The following IQCH variants were observed in gnomAD, a reference collection of about 807,000 sequenced individuals.
IQCH encodes IQ domain-containing protein H.
Under a neutral mutation model 117.0 loss-of-function variants are expected in IQCH, and 98 were observed. That is an observed-to-expected ratio of 0.84 (90% CI 0.71 to 0.99). IQCH has a LOEUF of 0.99. Ranked by LOEUF, IQCH falls within the 50% of genes least tolerant of loss-of-function variation. The pLI is 0.00. For missense variants in IQCH, 1,102 were observed against 1,243.8 expected (o/e 0.89, Z 1.72); for synonymous variants, 412 against 448.2 (o/e 0.92, Z 1.02).
At chr15:67,397,667 GTTA>G (rs1971515143) in intron 13 of IQCH, among the ~76,000 whole-genome samples, 1 of 152,110 alleles carries the variant, frequency 6.6e-6, no homozygotes, top group Non-Finnish European at 1.5e-5. Context: ...TTTAACTTAG[GTTA>G]TTATTTCTGA....
At chr15:67,258,011 C>T (rs934979166) in intron 1 of IQCH, among the ~76,000 whole-genome samples, 3 of 151,886 alleles carry the variant, frequency 2.0e-5, no homozygotes, top group Admixed American at 6.6e-5. Context: ...GGATGAATCA[C>T]TTGAGGTCAG....
intron 1 of IQCH, among the ~76,000 whole-genome samples, chr15:67,260,202 C>G (rs1028052095): frequency 3.3e-5 from 5 of 152,134 alleles, no homozygotes; most frequent in African/African-American, 1.2e-4. Flanking sequence ...GTGGCAGCAG[C>G]CCATACAATA....
chr15:67,480,808 G>T (rs2083319222), intron 18 of IQCH, among the ~76,000 whole-genome samples: 1 of 152,084 alleles, frequency 6.6e-6, no homozygotes, highest in Admixed American at 6.5e-5. Context: ...TATACCTAAT[G>T]TACCTACAGC....
chr15:67,439,965 C>T (rs951575784), intron 16 of IQCH, among the ~76,000 whole-genome samples: 1 of 150,670 alleles, frequency 6.6e-6, no homozygotes, highest in Non-Finnish European at 1.5e-5. Flanking sequence ...AATTGATAGA[C>T]CATTAGCAAG....
intron 15 of IQCH, among the ~76,000 whole-genome samples, chr15:67,419,238 G>C (rs2081660031): frequency 6.6e-6 from 1 of 152,186 alleles, no homozygotes; most frequent in Admixed American, 6.5e-5. Context: ...CAAATAAGTG[G>C]TAAATGGAAC....
At chr15:67,312,795 A>C (rs1170096138) in intron 4 of IQCH, among the ~76,000 whole-genome samples, 1 of 152,180 alleles carries the variant, frequency 6.6e-6, no homozygotes, top group Non-Finnish European at 1.5e-5. Context: ...TGGGACTAAT[A>C]GGATTGTTTT....
intron 16 of IQCH, among the ~76,000 whole-genome samples, chr15:67,423,587 C>CA (rs551556730): frequency 0.22 from 16,559 of 76,468 alleles, 1,109 homozygotes; most frequent in East Asian, 0.28. Flanking sequence ...GAACCTGTCT[C>CA]AAAAAAAAAA....
At position 67,432,244 on chromosome 15, in the gene IQCH, A is replaced by G. The variant is rs994013025; in HGVS notation, c.2505+10667A>G. ...ACATAAAGTTAGCTACAGAAAGGAAATAAGACTTGTCACAAAGTACAGATT... is the reference window on the plus strand; with the variant it reads ...ACATAAAGTTAGCTACAGAAAGGAAGTAAGACTTGTCACAAAGTACAGATT... On this transcript the variant is annotated intron_variant, in intron 16 of 20. Transcript: ENST00000335894. This position sits in a 1 kb window ranked among gnomAD's most constrained non-coding sequence, Gnocchi z 5.0. Among the ~76,000 whole-genome samples, 17 of 152,206 alleles carry G rather than the reference A, an allele frequency of 1.1e-4. No homozygotes were observed. The highest frequency in any genetic ancestry group is 3.6e-4 in the African/African-American group (15 of 41,438).
intron 20 of IQCH, among the ~76,000 whole-genome samples, chr15:67,498,772 A>T (rs539700694): frequency 3.3e-5 from 5 of 152,346 alleles, no homozygotes; most frequent in African/African-American, 1.2e-4. Context: ...CCAAAATAAA[A>T]ATAGATAAAT....
At position 67,279,464 on chromosome 15, in the gene IQCH, A is replaced by G. The variant is rs980788759; in HGVS notation, c.339A>G (p.Gln113=). ...AGGAATCTGAGGGTACATTTTGGCA[A>G]CCCCAAAGACAGCACAGTTCATCTC... ...FPQESEGTFW[Q]PQRQHSSSLP... is the part of the protein sequence containing the mutation. Residue 113 remains glutamine, a synonymous_variant, in exon 4 of 21, where the codon CAA becomes CAG. Transcript: ENST00000335894. The G allele has an allele frequency of 3.7e-6, 6 of 1,610,982 alleles. No homozygotes were observed. In the African/African-American group the frequency reaches 4.0e-5, roughly 11 times the overall value.
At chr15:67,373,541 G>A (rs761758413) in intron 10 of IQCH, 108 bp downstream of exon 10, 19 of 794,578 alleles carry the variant, frequency 2.4e-5, no homozygotes, top group African/African-American at 5.1e-5. Flanking sequence ...AATTGGTCTC[G>A]GCAGGAAAAT....
At chr15:67,272,660 C>T (rs1258531247) in intron 3 of IQCH, among the ~76,000 whole-genome samples, 1 of 152,206 alleles carries the variant, frequency 6.6e-6, no homozygotes, top group Non-Finnish European at 1.5e-5. Flanking sequence ...GCTGAATTGA[C>T]TCCTTTAATG....
At position 67,463,549 on chromosome 15, in the gene IQCH, T is replaced by G. The variant is rs1331640397; in HGVS notation, c.2506-1578T>G. 6.6e-6 allele frequency among the ~76,000 whole-genome samples: 1 copy of G among 152,192 alleles called. No individual in the cohort carries two copies. The highest frequency in any genetic ancestry group is 2.4e-5 in the African/African-American group (1 of 41,434). ...GGGTACCTCCCTGAACCTCAGTTTCTTCATCTGTGACATGGGGTTGTTATT... is the reference window on the plus strand; with the variant it reads ...GGGTACCTCCCTGAACCTCAGTTTCGTCATCTGTGACATGGGGTTGTTATT... On this transcript the variant is annotated intron_variant, in intron 16 of 20. Coordinates refer to ENST00000335894, the MANE Select transcript of IQCH (RefSeq NM_001031715.3). This position sits in a 1 kb window ranked among gnomAD's most constrained non-coding sequence, Gnocchi z 4.0.
rs927548654 is a variant in IQCH, at chr15:67,493,823, G to A, written c.2862-435G>A. ...TTCCTCTCCCCTCCCCTCACCCCAC[G>A]ACAGGCCCCGGTGTGTGATGTTCCC... On this transcript the variant is annotated intron_variant, in intron 19 of 20. Coordinates refer to ENST00000335894, the MANE Select transcript of IQCH (RefSeq NM_001031715.3). The surrounding 1 kb of genome is among the most constrained non-coding windows in gnomAD (Gnocchi z 5.1). 3.3e-5 allele frequency among the ~76,000 whole-genome samples: 5 copies of A among 152,050 alleles called. No individual in the cohort carries two copies. Among genetic ancestry groups the A allele is most frequent in the Admixed American group, 2.0e-4 (3 of 15,262 alleles).
At chr15:67,400,910 A>G (rs750164136) in intron 14 of IQCH, among the ~76,000 whole-genome samples, 19 of 152,162 alleles carry the variant, frequency 1.2e-4, no homozygotes, top group Admixed American at 1.2e-3. Context: ...TACAAATCTT[A>G]TAATTTGCCC....
At position 67,491,077 on chromosome 15, in the gene IQCH, G is replaced by C. The variant is rs1036594697; in HGVS notation, c.2861+1013G>C. Among the ~76,000 whole-genome samples the C allele has an allele frequency of 2.6e-5, 4 of 152,046 alleles. No individual in the cohort carries two copies. Among genetic ancestry groups the C allele is most frequent in the African/African-American group, 9.7e-5 (4 of 41,370 alleles). On this transcript the variant is annotated intron_variant, in intron 19 of 20. Transcript: ENST00000335894. This position sits in a 1 kb window ranked among gnomAD's most constrained non-coding sequence, Gnocchi z 4.9. ...CCTCTACAGCAGTGTAGACATTGTG[G>C]CCTCACACTGAAACACACAGAAACA...
intron 4 of IQCH, among the ~76,000 whole-genome samples, chr15:67,305,980 T>C (rs1474512585): frequency 6.6e-6 from 1 of 152,112 alleles, no homozygotes; most frequent in African/African-American, 2.4e-5. Context: ...TAGATATTCA[T>C]TTACTGTATT....
At chr15:67,304,486 AT>A in intron 4 of IQCH, 3 of 1,046,794 alleles carry the variant, frequency 2.9e-6, no homozygotes, top group South Asian at 1.5e-5. Context: ...ATGAGCTCTT[AT>A]TTTTTTAAGA....
chr15:67,337,932 C>T (rs1291805433), intron 5 of IQCH, among the ~76,000 whole-genome samples: 1 of 152,192 alleles, frequency 6.6e-6, no homozygotes, highest in African/African-American at 2.4e-5. Context: ...CTAGCTACTG[C>T]ATCTTCTGTC....
Sources: gnomAD v4.1 joint callset for allele counts (sites outside exome capture counted in the v4.1 genomes callset) on GRCh38, gnomAD v4.1.1 for gene constraint, Gnocchi (gnomAD v3.1) non-coding constraint, MANE v1.5 for transcripts, NCBI Gene and HGNC (gene_info 2026-07-23, HGNC 2026-07-21) for gene names.